Variants in TLE6 observed in about 807,000 individuals in gnomAD.
The protein encoded by TLE6 is TLE family member 6, subcortical maternal complex member, also known as transducin-like enhancer protein 6.
In TLE6, 72 loss-of-function variants were observed where a neutral mutation model predicts 77.1. The observed-to-expected ratio is 0.93, with a 90% CI of 0.77 to 1.14. The LOEUF (loss-of-function observed/expected upper bound fraction) is 1.14. Ranked by LOEUF, TLE6 falls within the 50% of genes most tolerant of loss-of-function variation. TLE6 has a pLI of 0.00. For missense variants in TLE6, 843 were observed against 747.6 expected (o/e 1.13, Z -1.49); for synonymous variants, 366 against 287.3 (o/e 1.27, Z -2.77).
In TLE6 at chr19:2,987,148, G is replaced by A; in HGVS notation, c.451G>A (p.Glu151Lys). Residue 151 changes from glutamate (E) to lysine (K), a missense_variant, in exon 7 of 17, where the codon GAG becomes AAG. Coordinates refer to ENST00000246112, the MANE Select transcript of TLE6 (RefSeq NM_001143986.2). ...GGAGACCCAGCTGTTCTGGGACAAG[G>A]AGCCTTGGTTTTGGCACGACACTCT... ...QPETQLFWDKEPWFWHDTLTE... is the reference protein window; with the variant it reads ...QPETQLFWDKKPWFWHDTLTE... 1 of 1,614,090 alleles carries A rather than the reference G, an allele frequency of 6.2e-7. No individual in the cohort carries two copies. The highest frequency in any genetic ancestry group is 8.5e-7 in the Non-Finnish European group (1 of 1,180,030).
chr19:2,993,920 CAAAAAAAAAA>C (rs34647224), intron 15 of TLE6, 89 bp from the exon 16 acceptor site: 5 of 547,642 alleles, frequency 9.1e-6, no homozygotes, highest in Non-Finnish European at 1.2e-5. Flanking sequence ...GACCCTGTCT[CAAAAAAAAAA>C]AAAAAAAAAA....
At chr19:2,987,869 C>T in intron 9 of TLE6, 29 bp from the exon 10 acceptor site, 1 of 1,611,916 alleles carries the variant, frequency 6.2e-7, no homozygotes, top group Non-Finnish European at 8.5e-7. Flanking sequence ...CCAATGCAAG[C>T]CGCTTAGCCC....
chr19:2,988,163 GA>G, intron 11 of TLE6, 35 bp downstream of exon 11: 1 of 1,548,586 alleles, frequency 6.5e-7, no homozygotes, highest in Non-Finnish European at 8.7e-7. Flanking sequence ...TGGGCGGGGT[GA>G]GGGGCAGCGG....
At chr19:2,983,577 G>A (rs1017276972) in intron 5 of TLE6, among the ~76,000 whole-genome samples, 2 of 149,520 alleles carry the variant, frequency 1.3e-5, no homozygotes, top group Admixed American at 1.3e-4. Context: ...TGTTGGTCCT[G>A]AAGGCACTAC....
rs1214948851 is a variant in TLE6 at position 2,989,275 on chromosome 19, G to T, written c.955G>T (p.Ala319Ser). The T allele has an allele frequency of 2.5e-6, 4 of 1,613,532 alleles. No individual in the cohort carries two copies. The Admixed American group carries it at 6.7e-5, about 27-fold the overall frequency. The part of the protein sequence containing the change: ...IKVWSLTGQV[A>S]EDRFPESHLP... Reference sequence around the variant, plus strand: ...GGTGTGGAGCCTGACTGGACAGGTGGCTGAGGACAGGTTCCCTGAGAGCCA... The same window carrying T: ...GGTGTGGAGCCTGACTGGACAGGTGTCTGAGGACAGGTTCCCTGAGAGCCA... The change falls in exon 12 of 17, where the codon GCT becomes TCT. Residue 319 changes from alanine to serine, a missense_variant. Physicochemically the swap from Ala to Ser is moderately conservative, Grantham distance 99 (BLOSUM62 1). Transcript: ENST00000246112.
chr19:2,987,125 A>G lies in TLE6; in HGVS notation c.428A>G (p.Glu143Gly). The change falls in exon 7 of 17, where the codon GAG (glutamate) becomes GGG (glycine). Residue 143 changes from glutamate to glycine, a missense_variant. Glu to Gly is a moderately conservative substitution (Grantham distance 98). Coordinates refer to ENST00000246112, the MANE Select transcript of TLE6 (RefSeq NM_001143986.2). ...RRPLGEDNQP[E>G]TQLFWDKEPW... ...CCTTTGGGGGAGGACAATCAGCCGG[A>G]GACCCAGCTGTTCTGGGACAAGGAG... The G allele has an allele frequency of 6.2e-7, 1 of 1,614,124 alleles. No individual in the cohort carries two copies. Among genetic ancestry groups the G allele is most frequent in the Non-Finnish European group, 8.5e-7 (1 of 1,180,026 alleles).
chr19:2,980,453 C>T (rs1451096281), intron 3 of TLE6: 9 of 289,360 alleles, frequency 3.1e-5, no homozygotes, highest in African/African-American at 1.1e-4. Context: ...AATACTGCAA[C>T]GGCTGGGTAT....
At chr19:2,981,722 G>GTGCTGGGATTA in intron 4 of TLE6, 139 bp downstream of exon 4, 1 of 959,348 alleles carries the variant, frequency 1.0e-6, no homozygotes, top group Non-Finnish European at 1.6e-6. Context: ...TGTAATCCCA[G>GTGCTGGGATTA]CACTATGGGA....
chr19:2,989,415 GA>G, intron 12 of TLE6, 102 bp downstream of exon 12: 3 of 1,577,912 alleles, frequency 1.9e-6, no homozygotes, highest in Non-Finnish European at 1.7e-6. Context: ...GGCTTCCAGG[GA>G]AAAGGGGCAT....
In TLE6 at chr19:2,977,872, G is replaced by C. The variant is rs552635077; in HGVS notation, c.-37+262G>C. Among the ~76,000 whole-genome samples, 6 of 152,268 alleles carry C rather than the reference G, an allele frequency of 3.9e-5. No homozygotes were observed. In the South Asian group the frequency reaches 1.2e-3, roughly 32 times the overall value. ...CTTTAGGAAATTGTCTCAAAACTAA[G>C]GTTGAGCTTTGGCGACCTTCCCTGG... On this transcript the variant is annotated intron_variant, in intron 1 of 16. Transcript: ENST00000246112.
Position 2,987,363 on chromosome 19 carries a change from A to G in TLE6, c.549A>G (p.Ala183=), listed in dbSNP as rs764231853. ...EKAKPRDRQQ[A]PGLGQESKAP... ...CCGTTGTCATGGTGACAGAGCAGGCACCAGGCCTGGTGAGTAAACAACCTC... is the reference window on the plus strand; with the variant it reads ...CCGTTGTCATGGTGACAGAGCAGGCGCCAGGCCTGGTGAGTAAACAACCTC... The change falls in exon 8 of 17, where the codon GCA becomes GCG. Residue 183 remains alanine (A), a synonymous_variant. Coordinates refer to ENST00000246112, the MANE Select transcript of TLE6 (RefSeq NM_001143986.2). 2 of 1,613,792 alleles carry G rather than the reference A, an allele frequency of 1.2e-6. No individual in the cohort carries two copies. The highest frequency in any genetic ancestry group is 2.7e-5 in the African/African-American group (2 of 74,898).
chr19:2,991,633 C>T (rs2089067433), intron 13 of TLE6, among the ~76,000 whole-genome samples: 2 of 149,336 alleles, frequency 1.3e-5, no homozygotes, highest in African/African-American at 4.9e-5. Context: ...CAAGGGGAGG[C>T]CCAGGCGGAC....
chr19:2,989,844 G>A (rs2089005834), intron 13 of TLE6, 59 bp downstream of exon 13: 3 of 1,592,642 alleles, frequency 1.9e-6, no homozygotes, highest in Non-Finnish European at 2.6e-6. Flanking sequence ...GGCCACCTCT[G>A]CCCACCTTAC....
chr19:2,990,174 C>G (rs1406533861), intron 13 of TLE6, among the ~76,000 whole-genome samples: 1 of 151,810 alleles, frequency 6.6e-6, no homozygotes, highest in South Asian at 2.1e-4. Context: ...CAAGACGGGA[C>G]AAATGCTTAA....
At chr19:2,988,324 C>T (rs1393972072) in intron 11 of TLE6, among the ~76,000 whole-genome samples, 196 bp downstream of exon 11, 1 of 152,024 alleles carries the variant, frequency 6.6e-6, no homozygotes, top group Non-Finnish European at 1.5e-5. Context: ...AGGCCGGGCG[C>T]GGTGGCTCAC....
At chr19:2,978,450 TA>T (rs980139339) in intron 2 of TLE6, among the ~76,000 whole-genome samples, 166 bp downstream of exon 2, 1 of 152,078 alleles carries the variant, frequency 6.6e-6, no homozygotes, top group Non-Finnish European at 1.5e-5. Flanking sequence ...CCGTGTTTTT[TA>T]AAAAAAATTA....
Position 2,980,157 on chromosome 19 carries a change from C to T in TLE6, c.109C>T (p.Leu37=). 1.9e-6 allele frequency: 3 copies of T among 1,548,926 alleles called. No homozygotes were observed. The highest frequency in any genetic ancestry group is 2.4e-5 in the South Asian group (2 of 83,994). ...SSPTLNYQGI[L]NRLKQFPRFS... ...TCCGACGCTGAATTATCAGGGCATT[C>T]TAAATCGGCTCAAGCAGTTCCCCAG... The change falls in exon 3 of 17, where the codon CTA becomes TTA. Residue 37 remains leucine, a synonymous_variant. Transcript: ENST00000246112.
Position 2,989,567 on chromosome 19 carries a change from G to A in TLE6, c.1026G>A (p.Leu342=), listed in dbSNP as rs1213348130. The A allele has an allele frequency of 1.2e-5, 19 of 1,613,256 alleles. No homozygotes were observed. The highest frequency in any genetic ancestry group is 1.4e-5 in the Non-Finnish European group (17 of 1,179,936). ...TPGAFLRTCL[L]SSNSRSLLTG... is the part of the protein sequence containing the mutation. ...GGGCCTTCCTGCGCACCTGCCTGCT[G>A]TCCTCAAACAGCAGGAGCCTGCTCA... The change falls in exon 13 of 17, where the codon CTG becomes CTA. Residue 342 remains leucine, a synonymous_variant. Coordinates refer to ENST00000246112, the MANE Select transcript of TLE6 (RefSeq NM_001143986.2).
Position 2,994,611 on chromosome 19 carries a change from AT to A in TLE6, c.1615-288del, listed in dbSNP as rs202203656. ...GGTGACAGAGACTCCATCTAAAAAA[AT>A]AATAATAATAATTAAAAACACTTTT... On this transcript the variant is annotated intron_variant, in intron 16 of 16. Transcript: ENST00000246112. Among the ~76,000 whole-genome samples, 52 of 143,334 alleles carry A rather than the reference AT, an allele frequency of 3.6e-4. 1 individual carries two copies. Among genetic ancestry groups the A allele is most frequent in the Admixed American group, 1.1e-3 (16 of 14,242 alleles). 94.0% of individuals were successfully genotyped at this position (143,334 alleles called of 152,430 possible).
Sources: gnomAD v4.1 joint callset for allele counts (sites outside exome capture counted in the v4.1 genomes callset) on GRCh38, gnomAD v4.1.1 for gene constraint, MANE v1.5 for transcripts, NCBI Gene and HGNC (gene_info 2026-07-23, HGNC 2026-07-21) for gene names.